EPG5: variants seen among roughly 807,000 people sequenced by gnomAD.
The protein encoded by EPG5 is ectopic P-granules 5 autophagy tethering factor.
EPG5 carries 159 observed loss-of-function variants against 302.7 expected under a neutral mutation model. The observed-to-expected ratio is 0.53, with a 90% CI of 0.46 to 0.60. The LOEUF (loss-of-function observed/expected upper bound fraction) is 0.60, where lower values mean the gene tolerates loss of function less well. Among genes scored for constraint, EPG5 ranks in the 20% least tolerant of loss-of-function variants. EPG5 has a pLI of 0.00. For synonymous variants in EPG5, 1,158 were observed against 1,136.8 expected (o/e 1.02, Z -0.37); for missense variants, 2,896 against 3,092.4 (o/e 0.94, Z 1.51).
rs1355537575 is a variant in EPG5, at chr18:45,923,398, G to A, written c.2719-11C>T. The A allele has an allele frequency of 1.9e-6, 3 of 1,605,976 alleles. No individual in the cohort carries two copies. In the Admixed American group the frequency reaches 5.2e-5, roughly 28 times the overall value. On this transcript the variant is annotated splice_polypyrimidine_tract_variant and intron_variant, in intron 14 of 43. Transcript: ENST00000282041. ...CAGATGAAGGGTAGCCTTTTAAAGA[G>A]AAAAATAATCACAAACATACAACCT...
chr18:45,817,039 C>T, the EPG5 span, among the ~76,000 whole-genome samples: 1 of 152,206 alleles, frequency 6.6e-6, no homozygotes, highest in African/African-American at 2.4e-5. Context: ...ACCTTATGTT[C>T]TCACTCATAA....
intron 34 of EPG5, among the ~76,000 whole-genome samples, chr18:45,877,792 T>C (rs1054318534): frequency 6.6e-6 from 1 of 152,086 alleles, no homozygotes; most frequent in African/African-American, 2.4e-5. Context: ...TGAAAACAAC[T>C]CCTATAATGT....
the EPG5 span, among the ~76,000 whole-genome samples, chr18:45,802,530 A>C: frequency 6.6e-6 from 1 of 152,032 alleles, no homozygotes; most frequent in Non-Finnish European, 1.5e-5. Flanking sequence ...AAAAACAAAA[A>C]ACAAAAAAAA....
At chr18:45,819,694 T>C in the EPG5 span, among the ~76,000 whole-genome samples, 1 of 152,216 alleles carries the variant, frequency 6.6e-6, no homozygotes, top group Non-Finnish European at 1.5e-5. Flanking sequence ...CAATTGTTTC[T>C]AAAATGCTTG....
chr18:45,897,757 G>A (rs532139155), intron 27 of EPG5, among the ~76,000 whole-genome samples: 7 of 152,052 alleles, frequency 4.6e-5, no homozygotes, highest in Non-Finnish European at 7.4e-5. Context: ...CATTTTGAAA[G>A]TAATGAAAAA....
the EPG5 span, chr18:45,839,099 G>T: frequency 1.1e-4 from 147 of 1,391,872 alleles, no homozygotes; most frequent in Non-Finnish European, 1.3e-4. Flanking sequence ...CGCCCAGGTG[G>T]GTGCGCCCCA....
intron 34 of EPG5, among the ~76,000 whole-genome samples, chr18:45,876,667 G>C (rs543985592): frequency 6.7e-6 from 1 of 149,550 alleles, no homozygotes; most frequent in Non-Finnish European, 1.5e-5. Flanking sequence ...AAATGCCGTA[G>C]AAAAACACCC....
chr18:45,825,995 C>G, the EPG5 span, among the ~76,000 whole-genome samples: 1 of 152,182 alleles, frequency 6.6e-6, no homozygotes, highest in Non-Finnish European at 1.5e-5. Context: ...ACAGGCACTC[C>G]ATGTCTCTGG....
chr18:45,930,775 T>C lies in EPG5; in HGVS notation c.2313A>G (p.Glu771=). The C allele has an allele frequency of 1.2e-6, 2 of 1,610,684 alleles. No individual in the cohort carries two copies. Among genetic ancestry groups the C allele is most frequent in the Admixed American group, 1.7e-5 (1 of 59,196 alleles). ...CAAAGGTAGTCAGAAGGCAAATCTC[T>C]TCTGAGCTATTCATAGAAGAAAGAC... ...EKCLSSMNSS[E]EICLLTTFAQ... The change falls in exon 12 of 44, where the codon GAA becomes GAG. Residue 771 remains glutamate, a synonymous_variant. Transcript: ENST00000282041.
the EPG5 span, among the ~76,000 whole-genome samples, chr18:45,818,288 G>A: frequency 6.6e-6 from 1 of 151,274 alleles, no homozygotes; most frequent in Non-Finnish European, 1.5e-5. Context: ...TATTTTGGAA[G>A]ATTTTAATAT....
intron 17 of EPG5, among the ~76,000 whole-genome samples, 157 bp downstream of exon 17, chr18:45,917,522 A>G (rs2050060138): frequency 6.6e-6 from 1 of 152,366 alleles, no homozygotes; most frequent in Non-Finnish European, 1.5e-5. Flanking sequence ...ACTGTTCATC[A>G]ACCTGCATTC....
rs2049896526 is a variant in EPG5, at chr18:45,911,389, C to T, written c.3984-647G>A. 4.0e-5 allele frequency among the ~76,000 whole-genome samples: 6 copies of T among 151,810 alleles called. No homozygotes were observed. In the South Asian group the frequency reaches 1.2e-3, roughly 32 times the overall value. On this transcript the variant is annotated intron_variant, in intron 22 of 43. Coordinates refer to ENST00000282041, the MANE Select transcript of EPG5 (RefSeq NM_020964.3). ...CAAGCTCCGCCTCCTGGGTTCACAC[C>T]ATTCTCCTGCCTCAGCCTCCTAAGT...
chr18:45,903,645 A>C (rs983172442), intron 25 of EPG5, among the ~76,000 whole-genome samples: 13 of 152,232 alleles, frequency 8.5e-5, no homozygotes, highest in African/African-American at 3.1e-4. Flanking sequence ...CTGGTAATTT[A>C]TACCACTGTT....
intron 21 of EPG5, among the ~76,000 whole-genome samples, chr18:45,912,663 T>C (rs1426693643): frequency 3.3e-5 from 5 of 152,254 alleles, no homozygotes; most frequent in African/African-American, 9.6e-5. Flanking sequence ...CAGCTTTTTA[T>C]TCTGTCAAAA....
At chr18:45,825,851 C>T in the EPG5 span, 4 of 1,580,626 alleles carry the variant, frequency 2.5e-6, no homozygotes, top group Non-Finnish European at 3.5e-6. Flanking sequence ...TAGGTACAGT[C>T]TCCCCTGGAA....
chr18:45,834,593 A>C, the EPG5 span, among the ~76,000 whole-genome samples: 1 of 152,206 alleles, frequency 6.6e-6, no homozygotes, highest in African/African-American at 2.4e-5. Flanking sequence ...GCCCATCTTT[A>C]CGGCATCTGG....
the EPG5 span, chr18:45,836,942 A>G: frequency 1.3e-6 from 1 of 779,592 alleles, no homozygotes. Flanking sequence ...GCTTGGCCTC[A>G]TGCTGGCAGT....
At chr18:45,966,958 G>A (rs1306711356) in intron 1 of EPG5, among the ~76,000 whole-genome samples, 1 of 152,162 alleles carries the variant, frequency 6.6e-6, no homozygotes, top group Non-Finnish European at 1.5e-5. Context: ...GAGGGAGAAG[G>A]AAAAATGGGG....
chr18:45,940,470 T>G (rs1599619653), intron 9 of EPG5, among the ~76,000 whole-genome samples: 1 of 151,894 alleles, frequency 6.6e-6, no homozygotes, highest in Non-Finnish European at 1.5e-5. Flanking sequence ...AAGCGGGTGG[T>G]GGGCAAAGTC....
Sources: allele counts gnomAD v4.1 joint callset (sites outside exome capture counted in the v4.1 genomes callset), GRCh38; gene constraint gnomAD v4.1.1; transcripts MANE v1.5; gene names NCBI Gene and HGNC (gene_info 2026-07-23, HGNC 2026-07-21).